The following ELAVL2 variants were observed in gnomAD, a reference collection of about 807,000 sequenced individuals.
The protein encoded by ELAVL2 is ELAV like RNA binding protein 2.
Under a neutral mutation model 34.6 loss-of-function variants are expected in ELAVL2, and 4 were observed. The observed-to-expected ratio is 0.12, with a 90% CI of 0.06 to 0.26. The LOEUF is 0.26. ELAVL2 is among the 10% of genes least tolerant of loss of function. The probability of loss-of-function intolerance (pLI) is 1.00; values close to 1 mark genes in which losing one functional copy is unlikely to be tolerated. For synonymous variants in ELAVL2, 193 were observed against 154.8 expected (o/e 1.25, Z -1.83); for missense variants, 432 against 442.8 (o/e 0.98, Z 0.22).
At chr9:23,807,104 T>C (rs912674269) in intron 1 of ELAVL2, among the ~76,000 whole-genome samples, 2 of 152,176 alleles carry the variant, frequency 1.3e-5, no homozygotes, top group Non-Finnish European at 2.9e-5. Flanking sequence ...AAAGTTTTTA[T>C]TATCTTCCTA....
At chr9:23,704,656 T>C (rs1210194607) in intron 4 of ELAVL2, among the ~76,000 whole-genome samples, 1 of 152,148 alleles carries the variant, frequency 6.6e-6, no homozygotes, top group Non-Finnish European at 1.5e-5. Context: ...GATTATAGCA[T>C]CTATAAATTT....
At chr9:23,732,687 C>T (rs905857892) in intron 2 of ELAVL2, among the ~76,000 whole-genome samples, 7 of 152,138 alleles carry the variant, frequency 4.6e-5, no homozygotes, top group African/African-American at 1.7e-4. Context: ...CTCAAGGAAC[C>T]AGCTTATAGT....
At chr9:23,767,138 T>C (rs1378991586) in intron 1 of ELAVL2, among the ~76,000 whole-genome samples, 1 of 152,144 alleles carries the variant, frequency 6.6e-6, no homozygotes, top group Non-Finnish European at 1.5e-5. Flanking sequence ...GGTGAAAGCG[T>C]AGGTTTTATT....
chr9:23,759,624 C>T (rs566166672), intron 2 of ELAVL2, among the ~76,000 whole-genome samples: 5 of 151,070 alleles, frequency 3.3e-5, no homozygotes, highest in African/African-American at 9.7e-5. Flanking sequence ...GATCATTACA[C>T]AATGTATATA....
chr9:23,752,432 G>T (rs955193666), intron 2 of ELAVL2, among the ~76,000 whole-genome samples: 1 of 151,770 alleles, frequency 6.6e-6, no homozygotes, highest in East Asian at 1.9e-4. Flanking sequence ...GTACACAGGG[G>T]TTTAGTAAAT....
the ELAVL2 span, among the ~76,000 whole-genome samples, chr9:23,842,406 T>A: frequency 6.6e-6 from 1 of 152,110 alleles, no homozygotes; most frequent in African/African-American, 2.4e-5. Context: ...GTTGCCCAAA[T>A]GGTAGAGATA....
chr9:23,724,706 T>C (rs1474005112), intron 3 of ELAVL2, among the ~76,000 whole-genome samples: 1 of 152,170 alleles, frequency 6.6e-6, no homozygotes, highest in African/African-American at 2.4e-5. Context: ...GATAATCAGA[T>C]GTAATATACT....
intron 2 of ELAVL2, among the ~76,000 whole-genome samples, chr9:23,740,669 G>C (rs2048950776): frequency 6.6e-6 from 1 of 151,836 alleles, no homozygotes; most frequent in African/African-American, 2.4e-5. Flanking sequence ...TGACCTGAAA[G>C]AAAAGGAAGG....
chr9:23,756,477 T>C (rs1377733872), intron 2 of ELAVL2, among the ~76,000 whole-genome samples: 3 of 152,272 alleles, frequency 2.0e-5, no homozygotes, highest in Non-Finnish European at 4.4e-5. Flanking sequence ...CAACTACTCC[T>C]CTAGCCATTC....
At chr9:23,769,757 T>A (rs1002544697) in intron 1 of ELAVL2, among the ~76,000 whole-genome samples, 3 of 152,194 alleles carry the variant, frequency 2.0e-5, no homozygotes, top group African/African-American at 7.2e-5. Flanking sequence ...GCACGCGTCA[T>A]AAGGAGAATG....
chr9:23,780,810 C>A (rs2058958324), intron 1 of ELAVL2, among the ~76,000 whole-genome samples: 1 of 151,840 alleles, frequency 6.6e-6, no homozygotes, highest in African/African-American at 2.4e-5. Context: ...AAATTAAGGC[C>A]AAAAAAGGGC....
At chr9:23,788,476 C>T (rs1203114776) in intron 1 of ELAVL2, among the ~76,000 whole-genome samples, 8 of 152,164 alleles carry the variant, frequency 5.3e-5, no homozygotes, top group Non-Finnish European at 1.0e-4. Flanking sequence ...TTTTTTCCTA[C>T]ACATACCTAT....
intron 1 of ELAVL2, among the ~76,000 whole-genome samples, chr9:23,764,057 A>G (rs1368840678): frequency 1.3e-5 from 2 of 152,180 alleles, no homozygotes; most frequent in African/African-American, 2.4e-5. Flanking sequence ...CTAATTAAAC[A>G]TAACTGTTCT....
chr9:23,794,598 A>C (rs979550470), intron 1 of ELAVL2, among the ~76,000 whole-genome samples: 1 of 152,214 alleles, frequency 6.6e-6, no homozygotes, highest in Admixed American at 6.5e-5. Context: ...AGAATTCCAA[A>C]GTATCAACCA....
At chr9:23,809,626 T>A (rs1384569228) in intron 1 of ELAVL2, among the ~76,000 whole-genome samples, 1 of 152,176 alleles carries the variant, frequency 6.6e-6, no homozygotes, top group Non-Finnish European at 1.5e-5. Flanking sequence ...TGTACTATAT[T>A]CTTTCTTTAA....
At chr9:23,732,482 A>T (rs62540058) in intron 2 of ELAVL2, among the ~76,000 whole-genome samples, 29,722 of 152,176 alleles carry the variant, frequency 0.2, 3,121 homozygotes, top group Admixed American at 0.27. Flanking sequence ...TTCATCTCAC[A>T]CTAAAATTGA....
chr9:23,784,886 C>T (rs35573366), intron 1 of ELAVL2, among the ~76,000 whole-genome samples: 5,082 of 152,230 alleles, frequency 0.033, 284 homozygotes, highest in African/African-American at 0.11. Context: ...GGCCTAAATG[C>T]CAAGTACTTC....
rs995133820 is a variant in ELAVL2, at chr9:23,762,312, C to T, written c.-15-63G>A. The T allele has an allele frequency of 5.1e-6, 8 of 1,559,220 alleles. No homozygotes were observed. The Admixed American group carries it at 9.5e-5, about 18-fold the overall frequency. On this transcript the variant is annotated intron_variant, in intron 1 of 6. Transcript: ENST00000397312. ...TTTCACAACCTATTAGAGACTCCAT[C>T]CAAGAATTTAAACACTTGTCACTAA...
intron 1 of ELAVL2, among the ~76,000 whole-genome samples, chr9:23,773,975 G>A (rs1401030828): frequency 6.6e-6 from 1 of 151,936 alleles, no homozygotes; most frequent in Admixed American, 6.6e-5. Flanking sequence ...ACTTTGGGAG[G>A]CCGAGGCGGG....
Sources: allele counts gnomAD v4.1 joint callset (sites outside exome capture counted in the v4.1 genomes callset), GRCh38; gene constraint gnomAD v4.1.1; transcripts MANE v1.5; gene names NCBI Gene and HGNC (gene_info 2026-07-23, HGNC 2026-07-21).